Variants in SLC26A6 observed in about 807,000 individuals in gnomAD.
The protein encoded by SLC26A6 is anion exchange transporter.
SLC26A6 carries 67 observed loss-of-function variants against 87.1 expected under a neutral mutation model. The observed-to-expected ratio is 0.77, with a 90% CI of 0.63 to 0.94. SLC26A6 has a LOEUF of 0.94. SLC26A6 is among the 40% of genes least tolerant of loss of function. The pLI is 0.00. For synonymous variants in SLC26A6, 414 were observed against 405.9 expected, an observed-to-expected ratio of 1.02 and a Z score of -0.24; for missense variants, 902 against 973.0, an observed-to-expected ratio of 0.93 and a Z score of 0.97.
intron 18 of SLC26A6, 92 bp from the exon 19 acceptor site, chr3:48,626,777 C>T (rs563980606): frequency 1.2e-6 from 2 of 1,608,136 alleles, no homozygotes; most frequent in South Asian, 2.2e-5. Context: ...AGAAGGGGAG[C>T]TTTGAGGGTT....
chr3:48,629,720 G>C lies in SLC26A6; in HGVS notation c.1530-9C>G. 6.2e-7 allele frequency: 1 copy of C among 1,612,754 alleles called. No homozygotes were observed. Among genetic ancestry groups the C allele is most frequent in the Non-Finnish European group, 8.5e-7 (1 of 1,179,216 alleles). On this transcript the variant is annotated splice_polypyrimidine_tract_variant and intron_variant, in intron 13 of 20. Coordinates refer to ENST00000395550, the MANE Select transcript of SLC26A6 (RefSeq NM_022911.3). ...GGACAGAGTAGTGGGGCCTGTGAAG[G>C]AGAGAGAGAATGCACGAAGAGGGGG...
Position 48,631,870 on chromosome 3 carries a change from C to T in SLC26A6, c.750+10G>A, listed in dbSNP as rs748675539. 34 of 1,613,388 alleles carry T rather than the reference C, an allele frequency of 2.1e-5. No homozygotes were observed. In the Admixed American group the frequency reaches 2.2e-4, roughly 10 times the overall value. ...CACACCTACCCCTCCCTCCCCCTACCCTCACTCACATAGATGAGGGACAGT... is the reference window on the plus strand; with the variant it reads ...CACACCTACCCCTCCCTCCCCCTACTCTCACTCACATAGATGAGGGACAGT... On this transcript the variant is annotated intron_variant, in intron 6 of 20. Transcript: ENST00000395550.
intron 19 of SLC26A6, 98 bp from the exon 20 acceptor site, chr3:48,626,452 C>G: frequency 1.9e-6 from 3 of 1,571,368 alleles, no homozygotes; most frequent in Non-Finnish European, 1.7e-6. Context: ...CCCCTGACCT[C>G]CACCCCTGAG....
chr3:48,635,458 A>G lies in SLC26A6; in HGVS notation c.-65T>C. On this transcript the variant is annotated 5_prime_UTR_variant, in exon 1 of 21. Coordinates refer to ENST00000395550, the MANE Select transcript of SLC26A6 (RefSeq NM_022911.3). ...GAGCTAGAGGCCGCTACGCTCCGGA[A>G]GGCGGCGCCGGGACCGGGTGAGGCC... is the stretch of plus-strand genomic sequence containing the variant. 1.3e-6 allele frequency: 2 copies of G among 1,542,346 alleles called. No individual in the cohort carries two copies. Among genetic ancestry groups the G allele is most frequent in the Non-Finnish European group, 1.7e-6 (2 of 1,144,288 alleles).
chr3:48,630,163 G>A lies in SLC26A6; in HGVS notation c.1327-6C>T. 1.2e-6 allele frequency: 2 copies of A among 1,605,380 alleles called. No individual in the cohort carries two copies. The highest frequency in any genetic ancestry group is 1.7e-6 in the Non-Finnish European group (2 of 1,173,590). On this transcript the variant is annotated splice_region_variant and splice_polypyrimidine_tract_variant and intron_variant, in intron 11 of 20. Transcript: ENST00000395550. ...ATGATGGCTGCCAGGACCGCCTGGG[G>A]TGGGGACAGTGCCACCAGGGGCCAT...
chr3:48,626,577 C>A (rs543490310), intron 19 of SLC26A6, 54 bp downstream of exon 19: 1 of 1,612,194 alleles, frequency 6.2e-7, no homozygotes, highest in Admixed American at 1.7e-5. Context: ...ACCCCTTGGC[C>A]AAAAGTATCC....
In SLC26A6 at chr3:48,632,268, T is replaced by G; in HGVS notation, c.562A>C (p.Ser188Arg). 3 of 1,609,500 alleles carry G rather than the reference T, an allele frequency of 1.9e-6. No homozygotes were observed. Among genetic ancestry groups the G allele is most frequent in the Non-Finnish European group, 2.5e-6 (3 of 1,177,836 alleles). The change falls in exon 5 of 21, where the codon AGT becomes CGT. Residue 188 changes from serine to arginine, a missense_variant. Physicochemically the swap from Ser to Arg is moderately radical, Grantham distance 110. This residue lies in a region of SLC26A6 where 800 missense variants were observed against 856.8 expected (regional missense o/e 0.93). Coordinates refer to ENST00000395550, the MANE Select transcript of SLC26A6 (RefSeq NM_022911.3). Reference sequence around the variant, plus strand: ...ACCTGGAAGAGGCCAACCAGGACACTGAGTGTGGAGGCCACCTGTACCCGG... The same window carrying G: ...ACCTGGAAGAGGCCAACCAGGACACGGAGTGTGGAGGCCACCTGTACCCGG... ...AARVQVASTLSVLVGLFQVGL... is the reference protein window; with the variant it reads ...AARVQVASTLRVLVGLFQVGL...
chr3:48,632,796 G>A (rs907748209), intron 4 of SLC26A6, 178 bp downstream of exon 4: 1 of 704,990 alleles, frequency 1.4e-6, no homozygotes, highest in African/African-American at 1.8e-5. Flanking sequence ...ACCTGCCTCT[G>A]TGGTCCTACA....
Position 48,628,844 on chromosome 3 carries a change from C to T in SLC26A6, c.1600-130G>A. 1 of 1,021,260 alleles carries T rather than the reference C, an allele frequency of 9.8e-7. No individual in the cohort carries two copies. Among genetic ancestry groups the T allele is most frequent in the Non-Finnish European group, 1.5e-6 (1 of 684,500 alleles). 63.3% of individuals were successfully genotyped at this position (1,021,260 alleles called of 1,614,324 possible). On this transcript the variant is annotated intron_variant, in intron 14 of 20. Coordinates refer to ENST00000395550, the MANE Select transcript of SLC26A6 (RefSeq NM_022911.3). The surrounding 1 kb of genome is among the most constrained non-coding windows in gnomAD (Gnocchi z 4.4). ...AGCCCTCTGCTCCCCAGGCTGCAGT[C>T]CAGGCCCTCCCAGGGGCTTAGGCCA...
rs781681563 is a variant in SLC26A6, at chr3:48,631,868, A to C, written c.750+12T>G. On this transcript the variant is annotated intron_variant, in intron 6 of 20. Coordinates refer to ENST00000395550, the MANE Select transcript of SLC26A6 (RefSeq NM_022911.3). ...GGCACACCTACCCCTCCCTCCCCCT[A>C]CCCTCACTCACATAGATGAGGGACA... 8 of 1,612,946 alleles carry C rather than the reference A, an allele frequency of 5.0e-6. No individual in the cohort carries two copies. Among genetic ancestry groups the C allele is most frequent in the African/African-American group, 1.3e-5 (1 of 74,744 alleles).
chr3:48,635,432 C>G lies in SLC26A6; in HGVS notation c.-39G>C, dbSNP rs779580243. On this transcript the variant is annotated 5_prime_UTR_variant, in exon 1 of 21. Transcript: ENST00000395550. ...TCCGGTGCGGGCTGCTCCTGCTGCT[C>G]GAGCTAGAGGCCGCTACGCTCCGGA... 5.6e-5 allele frequency: 87 copies of G among 1,564,052 alleles called. No individual in the cohort carries two copies. The highest frequency in any genetic ancestry group is 1.7e-4 in the Middle Eastern group (1 of 6,014).
chr3:48,631,652 G>A lies in SLC26A6; in HGVS notation c.900C>T (p.Leu300=). Reference sequence around the variant, plus strand: ...CTCCACTCCCTGGCCCTCGAACCGTGAGCAGCTCCCCGGGTATCGGCATGG... The same window carrying A: ...CTCCACTCCCTGGCCCTCGAACCGTAAGCAGCTCCCCGGGTATCGGCATGG... ...QLPMPIPGEL[L]TLIGATGISY... The change falls in exon 7 of 21, where the codon CTC becomes CTT. Residue 300 remains leucine, a synonymous_variant. Transcript: ENST00000395550. 6.2e-7 allele frequency: 1 copy of A among 1,613,070 alleles called. No individual in the cohort carries two copies.
At chr3:48,627,754 C>T in intron 17 of SLC26A6, 192 bp downstream of exon 17, 1 of 506,582 alleles carries the variant, frequency 2.0e-6, no homozygotes, top group Non-Finnish European at 3.4e-6. Context: ...GCCTGAGAAT[C>T]TAAGCCTAGA....
Position 48,628,790 on chromosome 3 carries a change from C to G in SLC26A6, c.1600-76G>C. ...CATCCTGTTCTCCTGCCTTTCCTTC[C>G]CTAGTGTGCCCAGTGCCTGCCACCG... is the stretch of plus-strand genomic sequence containing the variant. On this transcript the variant is annotated intron_variant, in intron 14 of 20. Transcript: ENST00000395550. This position sits in a 1 kb window ranked among gnomAD's most constrained non-coding sequence, Gnocchi z 4.4. 1 of 1,523,090 alleles carries G rather than the reference C, an allele frequency of 6.6e-7. No homozygotes were observed. The highest frequency in any genetic ancestry group is 8.9e-7 in the Non-Finnish European group (1 of 1,118,684). 94.3% of individuals were successfully genotyped at this position (1,523,090 alleles called of 1,614,324 possible).
In SLC26A6 at chr3:48,633,296, C is replaced by T. The variant is rs755533965; in HGVS notation, c.277G>A (p.Asp93Asn). The T allele has an allele frequency of 1.2e-6, 2 of 1,613,488 alleles. No individual in the cohort carries two copies. The highest frequency in any genetic ancestry group is 2.2e-5 in the South Asian group (2 of 91,088). ...GCCACACTCAGGCCGGATAACAGGT[C>T]ACCCAGGAGCCAGTCACGCACAGGA... ...RYPVRDWLLG[D>N]LLSGLSVAIM... Residue 93 changes from aspartate (D) to asparagine (N), a missense_variant, in exon 3 of 21, where the codon GAC becomes AAC. By Grantham distance (23) the Asp-to-Asn change is conservative. Transcript: ENST00000395550.
chr3:48,630,273 C>A, intron 11 of SLC26A6, 116 bp from the exon 12 acceptor site: 1 of 1,334,434 alleles, frequency 7.5e-7, no homozygotes, highest in Admixed American at 2.0e-5. Context: ...CAGACACAAA[C>A]CCCCACCCAG....
At chr3:48,635,293 G>A in intron 1 of SLC26A6, 78 bp downstream of exon 1, 1 of 1,222,766 alleles carries the variant, frequency 8.2e-7, no homozygotes, top group South Asian at 1.3e-5. Context: ...GCCTGCTCCA[G>A]CGAGGCGTCG....
Position 48,630,467 on chromosome 3 carries a change from G to GT in SLC26A6, c.1296dup (p.Leu433ThrfsTer7). 2 of 1,560,230 alleles carry GT rather than the reference G, an allele frequency of 1.3e-6. No individual in the cohort carries two copies. Among genetic ancestry groups the GT allele is most frequent in the Non-Finnish European group, 1.7e-6 (2 of 1,151,876 alleles). On this transcript the variant is annotated frameshift_variant, in exon 11 of 21. Coordinates refer to ENST00000395550, the MANE Select transcript of SLC26A6 (RefSeq NM_022911.3). LOFTEE classifies it high-confidence loss of function. ...GGCAGGTCATGGAAGAGTTCCCCAAGTTTGACAATGATGAGGAGGATGAAA... is the reference window on the plus strand; with the variant it reads ...GGCAGGTCATGGAAGAGTTCCCCAAGTTTTGACAATGATGAGGAGGATGAAA...
intron 4 of SLC26A6, 186 bp downstream of exon 4, chr3:48,632,788 C>G: frequency 1.4e-6 from 1 of 695,636 alleles, no homozygotes; most frequent in Non-Finnish European, 2.5e-6. Flanking sequence ...TTGAGGTCAC[C>G]TGCCTCTGTG....
Sources: allele counts gnomAD v4.1 joint callset, GRCh38; gene constraint gnomAD v4.1.1; regional missense constraint gnomAD v4.1.1; non-coding constraint Gnocchi (gnomAD v3.1); transcripts MANE v1.5; gene names NCBI Gene and HGNC (gene_info 2026-07-23, HGNC 2026-07-21).